Variants in SLC14A2 observed in about 807,000 individuals in gnomAD.
SLC14A2 encodes solute carrier family 14 member 2.
In SLC14A2, 91 loss-of-function variants were observed where a neutral mutation model predicts 104.6. The observed-to-expected ratio is 0.87, with a 90% CI of 0.73 to 1.04. The LOEUF (loss-of-function observed/expected upper bound fraction) is 1.04, where lower values mean the gene tolerates loss of function less well. Among genes scored for constraint, SLC14A2 ranks in the 50% least tolerant of loss-of-function variants. The pLI is 0.00. For synonymous variants in SLC14A2, 476 were observed against 466.4 expected, an observed-to-expected ratio of 1.02 and a Z score of -0.27; for missense variants, 1,189 against 1,156.0, an observed-to-expected ratio of 1.03 and a Z score of -0.41.
chr18:45,336,349 A>T (rs149077244), intron 1 of SLC14A2, among the ~76,000 whole-genome samples: 1 of 152,286 alleles, frequency 6.6e-6, no homozygotes, highest in African/African-American at 2.4e-5. Flanking sequence ...AAGGAGCTTT[A>T]CAGGGGAAGC....
chr18:45,398,165 C>A (rs1216853855), intron 1 of SLC14A2, among the ~76,000 whole-genome samples: 3 of 152,148 alleles, frequency 2.0e-5, no homozygotes, highest in African/African-American at 7.2e-5. Flanking sequence ...GCAAGGCCCA[C>A]ACAGCTTAAG....
chr18:45,592,047 C>G (rs16978420), intron 2 of SLC14A2, among the ~76,000 whole-genome samples: 2 of 152,202 alleles, frequency 1.3e-5, no homozygotes, highest in African/African-American at 2.4e-5. Flanking sequence ...CATGGCAGGG[C>G]AGTAATATAT....
intron 1 of SLC14A2, among the ~76,000 whole-genome samples, chr18:45,269,598 C>T (rs1724666975): frequency 6.6e-6 from 1 of 152,144 alleles, no homozygotes; most frequent in Non-Finnish European, 1.5e-5. Context: ...GCCTGCAGTC[C>T]AGACTTTTTA....
intron 2 of SLC14A2, among the ~76,000 whole-genome samples, chr18:45,573,225 A>T (rs1038839513): frequency 6.6e-6 from 1 of 152,202 alleles, no homozygotes; most frequent in Non-Finnish European, 1.5e-5. Flanking sequence ...CTGGGTCCTG[A>T]TAACTGCATT....
chr18:45,473,238 A>C (rs1318413633), intron 1 of SLC14A2, among the ~76,000 whole-genome samples: 5 of 152,042 alleles, frequency 3.3e-5, no homozygotes, highest in Non-Finnish European at 5.9e-5. Flanking sequence ...TGGTCTATAT[A>C]TCTGCTTTGG....
intron 1 of SLC14A2, among the ~76,000 whole-genome samples, chr18:45,434,493 A>G (rs1460002035): frequency 3.3e-5 from 5 of 152,168 alleles, no homozygotes; most frequent in Non-Finnish European, 5.9e-5. Flanking sequence ...TGTTGTTTGC[A>G]TGATTTTAAA....
intron 2 of SLC14A2, among the ~76,000 whole-genome samples, chr18:45,585,948 G>A (rs1342541903): frequency 6.6e-6 from 1 of 152,154 alleles, no homozygotes; most frequent in Admixed American, 6.5e-5. Context: ...GGAAAAGTAA[G>A]GCTTTATTCA....
At chr18:45,231,213 A>AT (rs57854630) in intron 1 of SLC14A2, among the ~76,000 whole-genome samples, 18,692 of 151,708 alleles carry the variant, frequency 0.12, 1,333 homozygotes, top group African/African-American at 0.2. Flanking sequence ...ATTTTTATTT[A>AT]TTTTTTTGAG....
chr18:45,532,021 C>T (rs1490333609), intron 2 of SLC14A2, among the ~76,000 whole-genome samples: 2 of 152,080 alleles, frequency 1.3e-5, no homozygotes, highest in Non-Finnish European at 2.9e-5. Context: ...AGATATGCGG[C>T]ATTATTTCTG....
chr18:45,480,382 C>T (rs993727800), intron 1 of SLC14A2, among the ~76,000 whole-genome samples: 1 of 152,196 alleles, frequency 6.6e-6, no homozygotes, highest in Non-Finnish European at 1.5e-5. Flanking sequence ...ACCCTTCTCA[C>T]TGCTGAGCTG....
intron 5 of SLC14A2, among the ~76,000 whole-genome samples, 199 bp from the exon 6 acceptor site, chr18:45,636,791 A>G (rs1490893587): frequency 1.3e-5 from 2 of 152,212 alleles, no homozygotes; most frequent in African/African-American, 2.4e-5. Context: ...TGGCAAAAAA[A>G]AAAGAAAAAG....
intron 1 of SLC14A2, among the ~76,000 whole-genome samples, chr18:45,275,315 C>T (rs2084691173): frequency 2.0e-5 from 3 of 152,146 alleles, no homozygotes; most frequent in African/African-American, 7.2e-5. Flanking sequence ...TTGTTCAATT[C>T]ATGTAAGACC....
intron 2 of SLC14A2, among the ~76,000 whole-genome samples, chr18:45,601,371 T>G (rs761555382): frequency 2.0e-5 from 3 of 152,214 alleles, no homozygotes; most frequent in Non-Finnish European, 4.4e-5. Context: ...CCCAGATCTC[T>G]CTGTCATCTC....
intron 2 of SLC14A2, among the ~76,000 whole-genome samples, chr18:45,580,395 A>C (rs2044473125): frequency 6.6e-6 from 1 of 152,214 alleles, no homozygotes; most frequent in Non-Finnish European, 1.5e-5. Flanking sequence ...AGGCTGAGGC[A>C]AGAAAGGTTA....
chr18:45,542,755 T>C (rs972738592), intron 2 of SLC14A2, among the ~76,000 whole-genome samples: 1 of 152,066 alleles, frequency 6.6e-6, no homozygotes, highest in African/African-American at 2.4e-5. Flanking sequence ...AGGGAGAACA[T>C]GACAGTGAGG....
At chr18:45,474,335 TTTC>T (rs1276319133) in intron 1 of SLC14A2, among the ~76,000 whole-genome samples, 12 of 152,100 alleles carry the variant, frequency 7.9e-5, no homozygotes, top group African/African-American at 2.9e-4. Flanking sequence ...GGCCAGAAAT[TTTC>T]TTTTTTTGTT....
intron 2 of SLC14A2, among the ~76,000 whole-genome samples, chr18:45,562,961 C>A (rs938535359): frequency 1.6e-4 from 25 of 152,196 alleles, no homozygotes; most frequent in Non-Finnish European, 1.5e-5. Context: ...AAGAAATTAT[C>A]CCTGTGCTAT....
upstream of SLC14A2, among the ~76,000 whole-genome samples, chr18:45,210,850 G>GTTT (rs1468762861): frequency 6.6e-6 from 1 of 152,158 alleles, no homozygotes; most frequent in Non-Finnish European, 1.5e-5. Context: ...ATGTGTTGTT[G>GTTT]TGCATTCTGT....
intron 1 of SLC14A2, among the ~76,000 whole-genome samples, chr18:45,267,114 CA>C (rs2084600230): frequency 6.6e-6 from 1 of 152,080 alleles, no homozygotes; most frequent in African/African-American, 2.4e-5. Flanking sequence ...AGGGTTCTGC[CA>C]AAAATTCCAA....
Sources: gnomAD v4.1 joint callset for allele counts (sites outside exome capture counted in the v4.1 genomes callset) on GRCh38, gnomAD v4.1.1 for gene constraint, MANE v1.5 for transcripts, NCBI Gene and HGNC (gene_info 2026-07-23, HGNC 2026-07-21) for gene names.